QRICH1: variants seen among roughly 807,000 people sequenced by gnomAD.
The protein encoded by QRICH1 is transcriptional regulator QRICH1.
Under a neutral mutation model 87.1 loss-of-function variants are expected in QRICH1, and 16 were observed. The ratio of observed to expected loss-of-function variants is 0.18; its 90% CI spans 0.12 to 0.28. QRICH1 has a LOEUF of 0.28. Ranked by LOEUF, QRICH1 falls within the 10% of genes least tolerant of loss-of-function variation. The pLI is 1.00. For missense variants in QRICH1, 647 were observed against 951.7 expected, an observed-to-expected ratio of 0.68 and a Z score of 4.21; for synonymous variants, 367 against 368.4, an observed-to-expected ratio of 1.00 and a Z score of 0.05.
chr3:49,032,138 A>G (rs1190683256), intron 9 of QRICH1, 45 bp downstream of exon 9: 1 of 1,433,528 alleles, frequency 7.0e-7, no homozygotes, highest in African/African-American at 1.4e-5. Context: ...ACACGCATAC[A>G]CACACATGCG....
chr3:49,065,682 CTCT>C (rs902479793), intron 2 of QRICH1, among the ~76,000 whole-genome samples: 48 of 151,530 alleles, frequency 3.2e-4, no homozygotes, highest in Non-Finnish European at 2.7e-4. Context: ...AGGAGTCTCT[CTCT>C]TTTTTTTTTT....
intron 5 of QRICH1, 121 bp downstream of exon 5, chr3:49,046,304 C>A (rs1316490096): frequency 2.6e-5 from 26 of 1,010,218 alleles, no homozygotes; most frequent in Non-Finnish European, 3.0e-5. Flanking sequence ...TTAAAACTCA[C>A]TGTATACCTG....
At chr3:49,035,691 G>A (rs2093270427) in intron 6 of QRICH1, among the ~76,000 whole-genome samples, 1 of 151,798 alleles carries the variant, frequency 6.6e-6, no homozygotes, top group Non-Finnish European at 1.5e-5. Flanking sequence ...AATGGCTTGA[G>A]CCTGGGTCCC....
At chr3:49,058,577 C>T (rs1264409334) in intron 2 of QRICH1, among the ~76,000 whole-genome samples, 2 of 152,098 alleles carry the variant, frequency 1.3e-5, no homozygotes, top group Admixed American at 6.6e-5. Context: ...CCACCCACCT[C>T]GGCCTCCCAA....
At chr3:49,079,553 T>C (rs1022902149) in intron 1 of QRICH1, among the ~76,000 whole-genome samples, 1 of 150,164 alleles carries the variant, frequency 6.7e-6, no homozygotes, top group Non-Finnish European at 1.5e-5. Flanking sequence ...ATAATAATAA[T>C]TAAGTGGTCA....
At chr3:49,083,221 G>A (rs201413093) in intron 1 of QRICH1, 4,133 of 45,392 alleles carry the variant, frequency 0.091, 125 homozygotes, top group Admixed American at 0.19. Flanking sequence ...AAAAAAAAAA[G>A]GGGGGGGGGG....
chr3:49,042,605 G>A (rs950364958), intron 6 of QRICH1, among the ~76,000 whole-genome samples: 2 of 151,286 alleles, frequency 1.3e-5, no homozygotes, highest in African/African-American at 4.9e-5. Context: ...ACGGAGTCGC[G>A]CTCTGTCACC....
intron 3 of QRICH1, among the ~76,000 whole-genome samples, chr3:49,055,205 T>G (rs1312532708): frequency 6.6e-6 from 1 of 152,184 alleles, no homozygotes; most frequent in African/African-American, 2.4e-5. Flanking sequence ...TGGTCAACCT[T>G]TGCTTAATTA....
At chr3:49,056,709 G>T in intron 3 of QRICH1, 153 bp downstream of exon 3, 2 of 1,302,278 alleles carry the variant, frequency 1.5e-6, no homozygotes, top group Non-Finnish European at 2.1e-6. Context: ...ATAGCCTCAC[G>T]TGATGTTTCT....
At chr3:49,056,469 G>GAA (rs2106901504) in intron 3 of QRICH1, among the ~76,000 whole-genome samples, 2 of 152,284 alleles carry the variant, frequency 1.3e-5, no homozygotes, top group Admixed American at 1.3e-4. Flanking sequence ...TAATCTATGT[G>GAA]ATAAACTACA....
intron 1 of QRICH1, among the ~76,000 whole-genome samples, chr3:49,090,950 C>T (rs1292534650): frequency 6.6e-6 from 1 of 152,306 alleles, no homozygotes; most frequent in Non-Finnish European, 1.5e-5. Flanking sequence ...AGGCCAGGCG[C>T]GGTGGCTCAC....
intron 1 of QRICH1, chr3:49,092,603 C>T (rs773066216): frequency 1.3e-5 from 2 of 152,088 alleles, no homozygotes; most frequent in African/African-American, 4.8e-5. Flanking sequence ...TTCCTCTTAG[C>T]TTCCTATTCC....
At chr3:49,062,094 T>C (rs1424991723) in intron 2 of QRICH1, among the ~76,000 whole-genome samples, 1 of 151,970 alleles carries the variant, frequency 6.6e-6, no homozygotes, top group African/African-American at 2.4e-5. Context: ...TCCCAGCACT[T>C]TGGGAGGCTG....
intron 1 of QRICH1, among the ~76,000 whole-genome samples, chr3:49,082,744 A>C (rs1054669905): frequency 2.0e-5 from 3 of 151,566 alleles, no homozygotes; most frequent in African/African-American, 7.3e-5. Flanking sequence ...AAATACAAAA[A>C]ATTACCCTGG....
At chr3:49,070,359 A>G (rs576568046) in intron 2 of QRICH1, among the ~76,000 whole-genome samples, 1 of 150,686 alleles carries the variant, frequency 6.6e-6, no homozygotes, top group South Asian at 2.1e-4. Context: ...AATTCTGTCT[A>G]CTTATTCTCT....
chr3:49,069,474 T>A (rs185170387), intron 2 of QRICH1, among the ~76,000 whole-genome samples: 32 of 151,874 alleles, frequency 2.1e-4, no homozygotes, highest in Non-Finnish European at 1.3e-4. Flanking sequence ...TAGTTGATAA[T>A]CTGTGTGGGC....
chr3:49,064,966 G>C (rs2093458791), intron 2 of QRICH1, among the ~76,000 whole-genome samples: 1 of 152,098 alleles, frequency 6.6e-6, no homozygotes, highest in Non-Finnish European at 1.5e-5. Flanking sequence ...GCAGTGAGCG[G>C]AGATCGTGTC....
At chr3:49,062,221 G>A (rs916826845) in intron 2 of QRICH1, among the ~76,000 whole-genome samples, 3 of 151,746 alleles carry the variant, frequency 2.0e-5, no homozygotes, top group Non-Finnish European at 4.4e-5. Flanking sequence ...TGTAATCCCA[G>A]CTACTCGGAA....
rs1271626477 is a variant in QRICH1 at position 49,057,601 on chromosome 3, A to G, written c.599T>C (p.Val200Ala). Reference protein sequence around the residue: ...IPHQQIQAQLVAGQSLAGGQQ... With the variant: ...IPHQQIQAQLAAGQSLAGGQQ... Reference sequence around the variant, plus strand: ...ACCACCAGCAAGAGACTGGCCAGCCACCAGCTGAGCCTGGATTTGCTGATG... The same window carrying G: ...ACCACCAGCAAGAGACTGGCCAGCCGCCAGCTGAGCCTGGATTTGCTGATG... Residue 200 changes from valine to alanine, a missense_variant, in exon 3 of 10, where the codon GTG (valine) becomes GCG (alanine). Around this residue, in one of 7 missense-constraint regions of QRICH1, gnomAD observed 156 missense variants for 164.5 expected, o/e 0.95. Coordinates refer to ENST00000395443, the MANE Select transcript of QRICH1 (RefSeq NM_198880.3). The surrounding 1 kb of genome is among the most constrained non-coding windows in gnomAD (Gnocchi z 5.4). 1 of 1,613,968 alleles carries G rather than the reference A, an allele frequency of 6.2e-7. No homozygotes were observed. The highest frequency in any genetic ancestry group is 1.3e-5 in the African/African-American group (1 of 74,940).
Sources: allele counts gnomAD v4.1 joint callset (sites outside exome capture counted in the v4.1 genomes callset), GRCh38; gene constraint gnomAD v4.1.1; regional missense constraint gnomAD v4.1.1; non-coding constraint Gnocchi (gnomAD v3.1); transcripts MANE v1.5; gene names NCBI Gene and HGNC (gene_info 2026-07-23, HGNC 2026-07-21).